Variants in SETDB1 observed in about 807,000 individuals in gnomAD.
SETDB1 encodes the protein histone-lysine N-methyltransferase SETDB1.
A neutral mutation model predicts 137.4 loss-of-function variants in SETDB1; 31 were observed. That is an observed-to-expected ratio of 0.23 (90% CI 0.17 to 0.30). SETDB1 has a LOEUF of 0.30. Among genes scored for constraint, SETDB1 ranks in the 10% least tolerant of loss-of-function variants. SETDB1 has a pLI of 1.00. For missense variants in SETDB1, 1,113 were observed against 1,631.5 expected (o/e 0.68, Z 5.47); for synonymous variants, 548 against 579.9 (o/e 0.95, Z 0.79).
rs1214151075 is a variant in SETDB1, at chr1:150,964,380, C to T, written c.*16C>T. ...TCTTCTTTAGAGGACAGCCTTCTTC[C>T]CAACCCTTCTTGAACTGTCGTTTCC... On this transcript the variant is annotated 3_prime_UTR_variant, in exon 22 of 22. Coordinates refer to ENST00000692827, the MANE Select transcript of SETDB1 (RefSeq NM_001366418.1). 6.4e-6 allele frequency: 10 copies of T among 1,573,778 alleles called. No homozygotes were observed. The highest frequency in any genetic ancestry group is 2.2e-5 in the East Asian group (1 of 44,652).
chr1:150,958,231 T>A (rs1490796874), intron 14 of SETDB1, among the ~76,000 whole-genome samples: 1 of 143,690 alleles, frequency 7.0e-6, no homozygotes, highest in Non-Finnish European at 1.5e-5. Context: ...ATGACCTTTT[T>A]TTTTTTCTTT....
At position 150,949,495 on chromosome 1, in the gene SETDB1, G is replaced by C; in HGVS notation, c.1553G>C (p.Gly518Ala). The C allele has an allele frequency of 4.3e-6, 7 of 1,614,096 alleles. No individual in the cohort carries two copies. The highest frequency in any genetic ancestry group is 5.9e-6 in the Non-Finnish European group (7 of 1,180,026). The change falls in exon 12 of 22, where the codon GGT becomes GCT. Residue 518 changes from glycine (G) to alanine (A), a missense_variant. Physicochemically the swap from Gly to Ala is moderately conservative, Grantham distance 60. This residue lies in a region of SETDB1 where 192 missense variants were observed against 198.1 expected (regional missense o/e 0.97). Coordinates refer to ENST00000692827, the MANE Select transcript of SETDB1 (RefSeq NM_001366418.1). ...CCTGCACTCAGTGAAAATGTCTCTG[G>C]TGGGAAACCTGGGATCAACCAGACA... is the stretch of plus-strand genomic sequence containing the variant. ...TSPALSENVSGGKPGINQTYR... is the reference protein window; with the variant it reads ...TSPALSENVSAGKPGINQTYR...
Position 150,962,132 on chromosome 1 carries a change from C to T in SETDB1, c.3135C>T (p.Asp1045=), listed in dbSNP as rs188749665. 113 of 1,614,098 alleles carry T rather than the reference C, an allele frequency of 7.0e-5. No individual in the cohort carries two copies. In the East Asian group the frequency reaches 2.0e-3, roughly 28 times the overall value. Residue 1045 remains aspartate, a splice_region_variant and synonymous_variant, in exon 17 of 22, where the codon GAC becomes GAT. Transcript: ENST00000692827. ...ACCCTTCACTTGTTCTTTTCCAGGA[C>T]ACTGACGACCGAAACAAGATGTCAG... ...EGDIKQAKKE[D]TDDRNKMSVV... is the part of the protein sequence containing the mutation.
At chr1:150,961,901 C>G (rs936330937) in intron 16 of SETDB1, 12 of 622,042 alleles carry the variant, frequency 1.9e-5, no homozygotes, top group East Asian at 1.3e-4. Flanking sequence ...TAATCCTGCT[C>G]GTGGTGTTTT....
chr1:150,949,429 G>A lies in SETDB1; in HGVS notation c.1487G>A (p.Arg496Gln), dbSNP rs1401057263. Residue 496 changes from arginine to glutamine, a missense_variant, in exon 12 of 22, where the codon CGA becomes CAA. Physicochemically the swap from Arg to Gln is conservative, Grantham distance 43. Coordinates refer to ENST00000692827, the MANE Select transcript of SETDB1 (RefSeq NM_001366418.1). ...KQVAKKSTSFRPGSVGSGHSS... is the reference protein window; with the variant it reads ...KQVAKKSTSFQPGSVGSGHSS... The stretch of plus-strand genomic sequence containing the variant: ...GTAGCCAAAAAGAGCACGTCCTTTC[G>A]ACCAGGATCTGTGGGCTCTGGTCAT... The A allele has an allele frequency of 8.1e-6, 13 of 1,614,086 alleles. No homozygotes were observed. Among genetic ancestry groups the A allele is most frequent in the Middle Eastern group, 1.6e-4 (1 of 6,062 alleles).
chr1:150,964,157 A>G (rs587716160), intron 21 of SETDB1, 74 bp downstream of exon 21: 2 of 1,525,298 alleles, frequency 1.3e-6, no homozygotes, highest in African/African-American at 1.4e-5. Context: ...TCCTCCATTC[A>G]TGATCCAACT....
At chr1:150,947,572 C>G (rs191426351) in intron 10 of SETDB1, among the ~76,000 whole-genome samples, 2 of 152,194 alleles carry the variant, frequency 1.3e-5, no homozygotes, top group Non-Finnish European at 2.9e-5. Context: ...CTGAGGAATT[C>G]AAGACCAGCC....
intron 4 of SETDB1, 77 bp from the exon 5 acceptor site, chr1:150,941,252 G>C: frequency 1.3e-6 from 1 of 773,932 alleles, no homozygotes; most frequent in Non-Finnish European, 2.2e-6. Flanking sequence ...TGAAATACAA[G>C]TTGTTTCTTA....
chr1:150,959,465 C>A, intron 15 of SETDB1, 118 bp downstream of exon 15: 1 of 798,404 alleles, frequency 1.3e-6, no homozygotes, highest in Admixed American at 2.6e-5. Flanking sequence ...TAAGAGGAGG[C>A]CAGGGACTTC....
intron 3 of SETDB1, chr1:150,930,528 T>TC (rs1365821488): frequency 3.1e-5 from 4 of 127,082 alleles, no homozygotes; most frequent in African/African-American, 9.2e-5. Context: ...TCTTTTTTTT[T>TC]TTTTTTTTTT....
chr1:150,954,659 A>G (rs1167885130), intron 14 of SETDB1, among the ~76,000 whole-genome samples: 2 of 152,226 alleles, frequency 1.3e-5, no homozygotes, highest in African/African-American at 4.8e-5. Context: ...AAATGACTTC[A>G]GCCTTCCCTG....
chr1:150,962,587 A>T lies in SETDB1; in HGVS notation c.3162A>T (p.Val1054=). The change falls in exon 18 of 22, where the codon GTA becomes GTT. Residue 1054 remains valine (V), a splice_region_variant and synonymous_variant. Transcript: ENST00000692827. The stretch of plus-strand genomic sequence containing the variant: ...GCTTCATTCCTTCCCCTCCCATTAG[A>T]GTTACTGAAAGCTCTCGAAATTACG... ...EDTDDRNKMS[V]VTESSRNYGY... is the part of the protein sequence containing the mutation. 1 of 1,613,974 alleles carries T rather than the reference A, an allele frequency of 6.2e-7. No homozygotes were observed. Among genetic ancestry groups the T allele is most frequent in the Non-Finnish European group, 8.5e-7 (1 of 1,179,892 alleles).
chr1:150,943,253 C>T (rs1003039227), intron 7 of SETDB1, among the ~76,000 whole-genome samples, 200 bp downstream of exon 7: 1 of 152,036 alleles, frequency 6.6e-6, no homozygotes, highest in Non-Finnish European at 1.5e-5. Context: ...CCTTTTCTTT[C>T]CTCAAAGAGA....
Position 150,950,938 on chromosome 1 carries a change from A to G in SETDB1, c.2064A>G (p.Glu688=), listed in dbSNP as rs1199343580. 1.2e-6 allele frequency: 2 copies of G among 1,614,100 alleles called. No individual in the cohort carries two copies. The highest frequency in any genetic ancestry group is 2.2e-5 in the East Asian group (1 of 44,878). The change falls in exon 13 of 22, where the codon GAA becomes GAG. Residue 688 remains glutamate (E), a synonymous_variant. Transcript: ENST00000692827. The part of the protein sequence containing the change: ...YYILDITYGK[E]DVPLSCVNEI... ...TTTTGGACATCACTTATGGGAAGGA[A>G]GATGTTCCCCTATCCTGTGTCAATG...
At chr1:150,931,727 A>G (rs1669762295) in intron 3 of SETDB1, among the ~76,000 whole-genome samples, 1 of 46,780 alleles carries the variant, frequency 2.1e-5, no homozygotes, top group South Asian at 9.3e-4. Flanking sequence ...TGTCTCACCC[A>G]AAAAAAAAAA....
chr1:150,932,503 A>C (rs587617198), intron 3 of SETDB1, among the ~76,000 whole-genome samples: 1 of 152,262 alleles, frequency 6.6e-6, no homozygotes, highest in East Asian at 1.9e-4. Flanking sequence ...ATTTATAGAA[A>C]AATTGAAAAA....
intron 14 of SETDB1, among the ~76,000 whole-genome samples, chr1:150,954,786 G>C (rs1412832120): frequency 6.6e-6 from 1 of 152,150 alleles, no homozygotes; most frequent in Non-Finnish European, 1.5e-5. Context: ...GTTACAGTAG[G>C]CTAAATACAT....
Position 150,937,596 on chromosome 1 carries a change from A to T in SETDB1, c.413-2344A>T, listed in dbSNP as rs183070289. 2.7e-4 allele frequency among the ~76,000 whole-genome samples: 41 copies of T among 152,256 alleles called. 1 individual carries two copies. Among genetic ancestry groups the T allele is most frequent in the African/African-American group, 9.9e-4 (41 of 41,562 alleles). ...AACGAGAACCTGTCTCTTTAAAAAGACAATAACAAATGTTGACAAGGATAT... is the reference window on the plus strand; with the variant it reads ...AACGAGAACCTGTCTCTTTAAAAAGTCAATAACAAATGTTGACAAGGATAT... On this transcript the variant is annotated intron_variant, in intron 3 of 21. Transcript: ENST00000692827.
Position 150,950,732 on chromosome 1 carries a change from C to T in SETDB1, c.1858C>T (p.Arg620Cys). Residue 620 changes from arginine (R) to cysteine (C), a missense_variant, in exon 13 of 22, where the codon CGC (arginine) becomes TGC (cysteine). Arg to Cys is a radical substitution (Grantham distance 180). Around this residue, in one of 11 missense-constraint regions of SETDB1, gnomAD observed 55 missense variants for 118.5 expected, o/e 0.46. Coordinates refer to ENST00000692827, the MANE Select transcript of SETDB1 (RefSeq NM_001366418.1). ...RRMTARRRVN[R>C]KMGFHVIYKT... Reference sequence around the variant, plus strand: ...GATGACAGCCCGGCGTCGAGTTAACCGCAAGATGGGCTTTCATGTTATCTA... The same window carrying T: ...GATGACAGCCCGGCGTCGAGTTAACTGCAAGATGGGCTTTCATGTTATCTA... 6.8e-6 allele frequency: 11 copies of T among 1,614,182 alleles called. No individual in the cohort carries two copies. Among genetic ancestry groups the T allele is most frequent in the Non-Finnish European group, 8.5e-6 (10 of 1,180,036 alleles).
Sources: allele counts gnomAD v4.1 joint callset (sites outside exome capture counted in the v4.1 genomes callset), GRCh38; gene constraint gnomAD v4.1.1; regional missense constraint gnomAD v4.1.1; transcripts MANE v1.5; gene names NCBI Gene and HGNC (gene_info 2026-07-23, HGNC 2026-07-21).